Variants in MARK2 observed in about 807,000 individuals in gnomAD.
MARK2 encodes microtubule affinity regulating kinase 2.
A neutral mutation model predicts 89.8 loss-of-function variants in MARK2; 16 were observed. The observed-to-expected ratio is 0.18, with a 90% confidence interval of 0.12 to 0.27. MARK2 has a LOEUF of 0.27. Ranked by LOEUF, MARK2 falls within the 10% of genes least tolerant of loss-of-function variation. The probability of loss-of-function intolerance (pLI) is 1.00; values close to 1 mark genes in which losing one functional copy is unlikely to be tolerated. For synonymous variants in MARK2, 382 were observed against 399.5 expected (o/e 0.96, Z 0.52); for missense variants, 621 against 1,049.9 (o/e 0.59, Z 5.65).
chr11:63,862,090 A>G (rs539244966), intron 1 of MARK2, among the ~76,000 whole-genome samples: 1 of 151,804 alleles, frequency 6.6e-6, no homozygotes, highest in East Asian at 1.9e-4. Flanking sequence ...TGCCCGGCTA[A>G]TATTTTGTAT....
In MARK2 at chr11:63,903,740, C is replaced by G. The variant is rs1274770804; in HGVS notation, c.1515-246C>G. On this transcript the variant is annotated intron_variant, in intron 14 of 18. Coordinates refer to ENST00000402010, the MANE Select transcript of MARK2 (RefSeq NM_001039469.3). The surrounding 1 kb of genome is among the most constrained non-coding windows in gnomAD (Gnocchi z 5.1). Reference sequence around the variant, plus strand: ...CCTGGAGGCAGCGGCCCCTTGTCTGCTCTCCTTCATTTCTGATTCCTCTTC... The same window carrying G: ...CCTGGAGGCAGCGGCCCCTTGTCTGGTCTCCTTCATTTCTGATTCCTCTTC... 6.6e-6 allele frequency among the ~76,000 whole-genome samples: 1 copy of G among 152,070 alleles called. No homozygotes were observed. Among genetic ancestry groups the G allele is most frequent in the Admixed American group, 6.5e-5 (1 of 15,274 alleles).
rs1189907066 is a variant in MARK2, at chr11:63,904,646, CCCTT to C, written c.1677-134_1677-131del. On this transcript the variant is annotated intron_variant, in intron 15 of 18. Coordinates refer to ENST00000402010, the MANE Select transcript of MARK2 (RefSeq NM_001039469.3). This position sits in a 1 kb window ranked among gnomAD's most constrained non-coding sequence, Gnocchi z 6.3. ...CTCACCACTGTCCTCAGTAGTCACA[CCCTT>C]CCTTCTGTGTCCTCGTGATGGCTGC... 1.8e-5 allele frequency: 13 copies of C among 722,008 alleles called. No individual in the cohort carries two copies. Among genetic ancestry groups the C allele is most frequent in the Admixed American group, 4.1e-5 (2 of 48,942 alleles). 44.7% of individuals were successfully genotyped at this position (722,008 alleles called of 1,614,324 possible). A position where few individuals can be genotyped will look rare whatever the true frequency, so the allele number is the denominator to read the frequency against.
At chr11:63,906,207 C>T in intron 17 of MARK2, 93 bp downstream of exon 17, 1 of 1,242,068 alleles carries the variant, frequency 8.1e-7, no homozygotes, top group Non-Finnish European at 1.0e-6. Context: ...CTGGCTCTTA[C>T]TCTCCTCCAT....
At chr11:63,906,565 G>A (rs936196949) in intron 17 of MARK2, among the ~76,000 whole-genome samples, 5 of 149,704 alleles carry the variant, frequency 3.3e-5, no homozygotes, top group South Asian at 2.1e-4. Flanking sequence ...ATGTGCATGC[G>A]CTATGAGGAA....
intron 18 of MARK2, among the ~76,000 whole-genome samples, chr11:63,908,571 C>G (rs1256946403): frequency 6.6e-6 from 1 of 152,182 alleles, no homozygotes; most frequent in Non-Finnish European, 1.5e-5. Context: ...CCTGGACTAT[C>G]CCACCTCCCT....
chr11:63,895,670 T>C (rs769829829), intron 3 of MARK2, 37 bp downstream of exon 3: 2 of 329,950 alleles, frequency 6.1e-6, no homozygotes, highest in Non-Finnish European at 8.9e-6. Context: ...TTTTTTTTTT[T>C]TTTTTTTTTT....
Position 63,904,652 on chromosome 11 carries a change from C to A in MARK2, c.1677-134C>A. ...ACTGTCCTCAGTAGTCACACCCTTC[C>A]TTCTGTGTCCTCGTGATGGCTGCCT... On this transcript the variant is annotated intron_variant, in intron 15 of 18. Coordinates refer to ENST00000402010, the MANE Select transcript of MARK2 (RefSeq NM_001039469.3). This position sits in a 1 kb window ranked among gnomAD's most constrained non-coding sequence, Gnocchi z 6.3. 1 of 739,738 alleles carries A rather than the reference C, an allele frequency of 1.4e-6. No homozygotes were observed. The highest frequency in any genetic ancestry group is 1.6e-5 in the South Asian group (1 of 63,224). The allele number at this position is 739,738 out of a possible 1,614,324, so 45.8% of individuals were successfully genotyped here. A position where few individuals can be genotyped will look rare whatever the true frequency, so the allele number is the denominator to read the frequency against.
At chr11:63,899,749 G>A in intron 7 of MARK2, 125 bp from the exon 8 acceptor site, 1 of 719,956 alleles carries the variant, frequency 1.4e-6, no homozygotes. Flanking sequence ...CCCTGAAATT[G>A]GTGGAGAAAG....
chr11:63,864,334 C>T (rs1439003568), intron 1 of MARK2, among the ~76,000 whole-genome samples: 2 of 151,842 alleles, frequency 1.3e-5, no homozygotes, highest in Non-Finnish European at 2.9e-5. Context: ...CTCACCGCAA[C>T]CTCCGCCTCC....
chr11:63,903,039 G>C lies in MARK2; in HGVS notation c.1417-22G>C. 1 of 1,606,514 alleles carries C rather than the reference G, an allele frequency of 6.2e-7. No homozygotes were observed. Among genetic ancestry groups the C allele is most frequent in the South Asian group, 1.1e-5 (1 of 90,896 alleles). ...GACCACTTTGGCTTTCTGATAGAAC[G>C]CTTGCCCTTTATTCCCCACAGAACA... On this transcript the variant is annotated intron_variant, in intron 13 of 18. Transcript: ENST00000402010. The surrounding 1 kb of genome is among the most constrained non-coding windows in gnomAD (Gnocchi z 5.1).
At chr11:63,874,120 G>C (rs1190751277) in intron 1 of MARK2, among the ~76,000 whole-genome samples, 1 of 152,162 alleles carries the variant, frequency 6.6e-6, no homozygotes, top group Non-Finnish European at 1.5e-5. Context: ...CTTCCTTCCT[G>C]TGTCTTGCGG....
At chr11:63,906,065 CT>C (rs372806076) in intron 16 of MARK2, 22 bp from the exon 17 acceptor site, 120 of 1,332,792 alleles carry the variant, frequency 9.0e-5, no homozygotes, top group South Asian at 6.4e-4. Context: ...TTTATTTTGT[CT>C]TTTTTTTGTT....
chr11:63,842,316 A>G (rs1426188328), intron 1 of MARK2, among the ~76,000 whole-genome samples: 2 of 151,418 alleles, frequency 1.3e-5, no homozygotes, highest in East Asian at 3.9e-4. Context: ...TCCTGGGTTC[A>G]AGCGATTCCC....
At chr11:63,885,711 G>A (rs867628386) in intron 1 of MARK2, among the ~76,000 whole-genome samples, 1 of 152,016 alleles carries the variant, frequency 6.6e-6, no homozygotes, top group South Asian at 2.1e-4. Flanking sequence ...GCACGCACCT[G>A]TAATCCCAGC....
chr11:63,868,795 G>A (rs1005636234), intron 1 of MARK2: 1 of 455,968 alleles, frequency 2.2e-6, no homozygotes, highest in African/African-American at 2.0e-5. Context: ...ATATTGTCCA[G>A]CGTTGGAGAG....
At chr11:63,893,564 T>C (rs1360824765) in intron 1 of MARK2, among the ~76,000 whole-genome samples, 1 of 152,052 alleles carries the variant, frequency 6.6e-6, no homozygotes, top group Non-Finnish European at 1.5e-5. Flanking sequence ...TTGTATATAC[T>C]GAGGAGCGGA....
intron 1 of MARK2, among the ~76,000 whole-genome samples, chr11:63,863,854 C>T (rs1468857897): frequency 1.3e-5 from 2 of 152,106 alleles, no homozygotes; most frequent in Non-Finnish European, 2.9e-5. Context: ...CTCACTGCAG[C>T]CTCAGCCTCC....
chr11:63,862,026 C>G (rs552846344), intron 1 of MARK2, among the ~76,000 whole-genome samples: 1 of 151,082 alleles, frequency 6.6e-6, no homozygotes, highest in East Asian at 2.0e-4. Flanking sequence ...TGGGTTCAAG[C>G]AATTCTCCTG....
At chr11:63,861,389 C>G (rs947672843) in intron 1 of MARK2, among the ~76,000 whole-genome samples, 3 of 152,016 alleles carry the variant, frequency 2.0e-5, no homozygotes, top group African/African-American at 7.2e-5. Context: ...GAGCTGAGAT[C>G]GCACCACTGC....
Sources: gnomAD v4.1 joint callset for allele counts (sites outside exome capture counted in the v4.1 genomes callset) on GRCh38, gnomAD v4.1.1 for gene constraint, Gnocchi (gnomAD v3.1) non-coding constraint, MANE v1.5 for transcripts, NCBI Gene and HGNC (gene_info 2026-07-23, HGNC 2026-07-21) for gene names.